ABAT: variants seen among roughly 807,000 people sequenced by gnomAD.
The protein encoded by ABAT is 4-aminobutyrate aminotransferase, mitochondrial.
A neutral mutation model predicts 64.6 loss-of-function variants in ABAT; 45 were observed. The ratio of observed to expected loss-of-function variants is 0.70; its 90% CI spans 0.55 to 0.89. The LOEUF is 0.89. Ranked by LOEUF, ABAT falls within the 40% of genes least tolerant of loss-of-function variation. The probability of loss-of-function intolerance (pLI) is 0.00; values close to 1 mark genes in which losing one functional copy is unlikely to be tolerated. For synonymous variants in ABAT, 297 were observed against 250.5 expected, an observed-to-expected ratio of 1.19 and a Z score of -1.75; for missense variants, 633 against 658.4, an observed-to-expected ratio of 0.96 and a Z score of 0.42.
intron 5 of ABAT, among the ~76,000 whole-genome samples, chr16:8,754,196 A>AT (rs1567305005): frequency 1.8e-4 from 27 of 148,780 alleles, no homozygotes; most frequent in African/African-American, 5.9e-4. Context: ...AAAAAAAAAA[A>AT]AAAAAAAAAT....
chr16:8,708,294 T>C (rs950616742), intron 1 of ABAT, among the ~76,000 whole-genome samples: 2 of 152,202 alleles, frequency 1.3e-5, no homozygotes, highest in African/African-American at 4.8e-5. Flanking sequence ...TTGCCCAGGC[T>C]GGAGTGCAGT....
Position 8,764,640 on chromosome 16 carries a change from C to A in ABAT, c.448-98C>A. ...CAGGACAGCCCTGGTTCTGTCTGTC[C>A]CCGGTACGGCCCCTGCGAAGATTCA... is the stretch of plus-strand genomic sequence containing the variant. On this transcript the variant is annotated intron_variant, in intron 7 of 15. Transcript: ENST00000268251. The surrounding 1 kb of genome is among the most constrained non-coding windows in gnomAD (Gnocchi z 4.2). The A allele has an allele frequency of 8.6e-7, 1 of 1,168,884 alleles. No individual in the cohort carries two copies. The highest frequency in any genetic ancestry group is 1.3e-6 in the Non-Finnish European group (1 of 783,998). 72.4% of individuals were successfully genotyped at this position (1,168,884 alleles called of 1,614,324 possible).
In ABAT at chr16:8,737,993, A is replaced by G. The variant is rs867246519; in HGVS notation, c.70+2184A>G. Among the ~76,000 whole-genome samples, 209 of 45,822 alleles carry G rather than the reference A, an allele frequency of 4.6e-3. 39 individuals are homozygous for G. Among genetic ancestry groups the G allele is most frequent in the South Asian group, 8.7e-3 (9 of 1,032 alleles). The allele number at this position is 45,822 out of a possible 152,430, so 30.1% of individuals were successfully genotyped here. ...GGAAGGAAGGAAGGAAGGAAGGAGG[A>G]AAGAAAGAAAGAAAGAAAGAAAGGA... On this transcript the variant is annotated intron_variant, in intron 2 of 15. Transcript: ENST00000268251.
chr16:8,773,886 C>T (rs1238699952), intron 12 of ABAT, among the ~76,000 whole-genome samples: 1 of 152,176 alleles, frequency 6.6e-6, no homozygotes, highest in Non-Finnish European at 1.5e-5. Context: ...TAATTTCATT[C>T]TTTTTATGGC....
intron 1 of ABAT, among the ~76,000 whole-genome samples, chr16:8,697,643 T>G (rs2057733210): frequency 2.6e-5 from 1 of 38,098 alleles, no homozygotes; most frequent in South Asian, 8.3e-4. Context: ...TGTTTTTTGG[T>G]TTTTTTTTTG....
In ABAT at chr16:8,777,649, C is replaced by T. The variant is rs948669555; in HGVS notation, c.1269+1159C>T. Among the ~76,000 whole-genome samples, 12 of 152,176 alleles carry T rather than the reference C, an allele frequency of 7.9e-5. No homozygotes were observed. The South Asian group carries it at 1.4e-3, about 18-fold the overall frequency. ...TGGAAGAGACTTTAATCTAAACCAT[C>T]CCAGGGCCACACTCTGTGGGAGAGG... On this transcript the variant is annotated intron_variant, in intron 14 of 15. Transcript: ENST00000268251.
Position 8,710,683 on chromosome 16 carries a change from T to TGAGAGA in ABAT, c.-41-25011_-41-25006dup, listed in dbSNP as rs762237876. On this transcript the variant is annotated intron_variant, in intron 1 of 15. Coordinates refer to ENST00000268251, the MANE Select transcript of ABAT (RefSeq NM_020686.6). ...TGAGTCCAGGAGGTTAAGGCTGCAC[T>TGAGAGA]GAGAGAGAGACAGAGAGAGAGAGAG... is the stretch of plus-strand genomic sequence containing the variant. Among the ~76,000 whole-genome samples, 151 of 87,792 alleles carry TGAGAGA rather than the reference T, an allele frequency of 1.7e-3. 5 individuals are homozygous for TGAGAGA. Among genetic ancestry groups the TGAGAGA allele is most frequent in the Admixed American group, 2.4e-3 (19 of 7,886 alleles). The allele number at this position is 87,792 out of a possible 152,430, so 57.6% of individuals were successfully genotyped here. A position where few individuals can be genotyped will look rare whatever the true frequency, so the allele number is the denominator to read the frequency against.
At chr16:8,772,555 C>G (rs1179172292) in intron 11 of ABAT, among the ~76,000 whole-genome samples, 1 of 152,186 alleles carries the variant, frequency 6.6e-6, no homozygotes, top group Non-Finnish European at 1.5e-5. Flanking sequence ...ATTACTTGCC[C>G]CAATTTATTA....
intron 1 of ABAT, among the ~76,000 whole-genome samples, chr16:8,702,159 T>C (rs1260724110): frequency 6.6e-6 from 1 of 151,558 alleles, no homozygotes; most frequent in Non-Finnish European, 1.5e-5. Context: ...CTTCTGTTTG[T>C]GGGAAGACAT....
chr16:8,750,250 A>G (rs553422184), intron 4 of ABAT, among the ~76,000 whole-genome samples, 172 bp from the exon 5 acceptor site: 126 of 152,298 alleles, frequency 8.3e-4, no homozygotes, highest in South Asian at 1.7e-3. Context: ...TATAAAGCAA[A>G]CCACCCATGC....
In ABAT at chr16:8,775,791, T is replaced by C. The variant is rs183183301; in HGVS notation, c.1123-553T>C. On this transcript the variant is annotated intron_variant, in intron 13 of 15. Coordinates refer to ENST00000268251, the MANE Select transcript of ABAT (RefSeq NM_020686.6). ...TCTCACATAATATGTCTATTTCCAA[T>C]ACTTGACTAAGACCCAGTCACATGG... Among the ~76,000 whole-genome samples, 7 of 152,270 alleles carry C rather than the reference T, an allele frequency of 4.6e-5. No homozygotes were observed. The East Asian group carries it at 1.2e-3, about 25-fold the overall frequency.
rs1427462971 is a variant in ABAT, at chr16:8,754,215, C to A, written c.317-3542C>A. ...AAAAAAAAAAAAAAAATTAGCCGGG[C>A]ATGGTGGTGCATACCTGTAATCCCA... On this transcript the variant is annotated intron_variant, in intron 5 of 15. Transcript: ENST00000268251. Among the ~76,000 whole-genome samples, 4 of 89,064 alleles carry A rather than the reference C, an allele frequency of 4.5e-5. 2 individuals carry two copies. The highest frequency in any genetic ancestry group is 1.0e-4 in the Non-Finnish European group (4 of 39,912). The allele number at this position is 89,064 out of a possible 152,430, so 58.4% of individuals were successfully genotyped here.
intron 1 of ABAT, among the ~76,000 whole-genome samples, chr16:8,704,895 A>G (rs1199971119): frequency 2.0e-5 from 3 of 152,134 alleles, no homozygotes; most frequent in African/African-American, 7.2e-5. Flanking sequence ...TATGTTGCCC[A>G]GGCTGGTCTC....
chr16:8,721,744 C>T (rs905560839), intron 1 of ABAT, among the ~76,000 whole-genome samples: 4 of 152,180 alleles, frequency 2.6e-5, no homozygotes, highest in African/African-American at 4.8e-5. Flanking sequence ...ACCTGAATTC[C>T]TCTCACTTTT....
chr16:8,730,774 C>A (rs1203383027), intron 1 of ABAT, among the ~76,000 whole-genome samples: 1 of 152,112 alleles, frequency 6.6e-6, no homozygotes, highest in Non-Finnish European at 1.5e-5. Flanking sequence ...GGTGTTGCAA[C>A]TCGCAATAAA....
rs149604299 is a variant in ABAT at position 8,722,703 on chromosome 16, C to T, written c.-41-12996C>T. ...AACCTCCTTGGTCACAATTTCATGG[C>T]GTGCCAGTGCTCTGAAAGCACCTCC... On this transcript the variant is annotated intron_variant, in intron 1 of 15. Transcript: ENST00000268251. 30 of 686,332 alleles carry T rather than the reference C, an allele frequency of 4.4e-5. No homozygotes were observed. In the African/African-American group the frequency reaches 4.7e-4, roughly 11 times the overall value. The allele number at this position is 686,332 out of a possible 1,614,324, so 42.5% of individuals were successfully genotyped here.
At chr16:8,722,696 T>A (rs914118084) in intron 1 of ABAT, 2 of 676,372 alleles carry the variant, frequency 3.0e-6, no homozygotes, top group African/African-American at 3.8e-5. Flanking sequence ...TGGTCACAAT[T>A]TCATGGCGTG....
intron 1 of ABAT, among the ~76,000 whole-genome samples, chr16:8,706,191 T>A (rs1009994344): frequency 6.6e-6 from 1 of 151,510 alleles, no homozygotes; most frequent in Non-Finnish European, 1.5e-5. Context: ...GTGGATCACT[T>A]GAGACCAGTC....
At chr16:8,731,789 A>G (rs2058727206) in intron 1 of ABAT, among the ~76,000 whole-genome samples, 1 of 152,170 alleles carries the variant, frequency 6.6e-6, no homozygotes, top group East Asian at 1.9e-4. Context: ...CTCCAAACAC[A>G]CTAAACAATG....
Sources: gnomAD v4.1 joint callset for allele counts (sites outside exome capture counted in the v4.1 genomes callset) on GRCh38, gnomAD v4.1.1 for gene constraint, Gnocchi (gnomAD v3.1) non-coding constraint, MANE v1.5 for transcripts, NCBI Gene and HGNC (gene_info 2026-07-23, HGNC 2026-07-21) for gene names.